DISC1: variants seen among roughly 807,000 people sequenced by gnomAD.
DISC1 encodes the protein disrupted in schizophrenia 1 protein.
In DISC1, 57 loss-of-function variants were observed where a neutral mutation model predicts 84.5. The ratio of observed to expected loss-of-function variants is 0.67; its 90% confidence interval spans 0.55 to 0.84. DISC1 has a LOEUF of 0.84. Ranked by LOEUF, DISC1 falls within the 40% of genes least tolerant of loss-of-function variation. DISC1 has a pLI of 0.00. For synonymous variants in DISC1, 411 were observed against 415.2 expected (o/e 0.99, Z 0.12); for missense variants, 1,000 against 1,057.8 (o/e 0.95, Z 0.76).
intron 9 of DISC1, among the ~76,000 whole-genome samples, chr1:231,850,211 T>TG (rs1337035075): frequency 1.3e-5 from 2 of 152,202 alleles, no homozygotes; most frequent in Non-Finnish European, 2.9e-5. Flanking sequence ...CCCTGGATGA[T>TG]GGGGGTGCCT....
At chr1:232,036,595 C>T in intron 12 of DISC1, 97 bp from the exon 13 acceptor site, 1 of 1,196,694 alleles carries the variant, frequency 8.4e-7, no homozygotes, top group Non-Finnish European at 1.1e-6. Flanking sequence ...GGTGTCAGTA[C>T]CCATCTGCTT....
intron 6 of DISC1, among the ~76,000 whole-genome samples, chr1:231,783,592 A>G (rs1234217022): frequency 2.0e-5 from 3 of 152,232 alleles, no homozygotes; most frequent in Non-Finnish European, 4.4e-5. Context: ...CCAAATACCA[A>G]GTTCATCAGT....
intron 1 of DISC1, among the ~76,000 whole-genome samples, chr1:231,649,745 G>A (rs1023589353): frequency 2.0e-5 from 3 of 152,144 alleles, no homozygotes; most frequent in Non-Finnish European, 4.4e-5. Flanking sequence ...GTGCTCCTGT[G>A]TTGGGTGCAT....
intron 1 of DISC1, among the ~76,000 whole-genome samples, chr1:231,691,171 C>G (rs1214974978): frequency 1.3e-5 from 2 of 152,114 alleles, no homozygotes; most frequent in Admixed American, 1.3e-4. Flanking sequence ...TGGCTCACAA[C>G]TGTAATGCCA....
intron 9 of DISC1, among the ~76,000 whole-genome samples, chr1:231,903,286 G>T (rs897387060): frequency 6.6e-6 from 1 of 152,064 alleles, no homozygotes; most frequent in African/African-American, 2.4e-5. Context: ...AATCCAGTAT[G>T]ACCTCCTCTT....
At chr1:231,743,821 C>T (rs10495308) in intron 3 of DISC1, among the ~76,000 whole-genome samples, 33,609 of 152,014 alleles carry the variant, frequency 0.22, 3,938 homozygotes, top group East Asian at 0.44. Flanking sequence ...GCTTAGTTTC[C>T]GGCTATAGGT....
chr1:231,835,844 C>T (rs12745010), intron 9 of DISC1, among the ~76,000 whole-genome samples: 47,775 of 151,806 alleles, frequency 0.31, 7,584 homozygotes, highest in East Asian at 0.39. Context: ...GTTGAGATAA[C>T]GGCGTAGAAT....
chr1:231,756,176 T>C (rs746203930), intron 4 of DISC1, among the ~76,000 whole-genome samples: 3 of 152,216 alleles, frequency 2.0e-5, no homozygotes, highest in African/African-American at 4.8e-5. Context: ...TCATGCCCCA[T>C]TGTTGTTACC....
At chr1:231,967,205 A>C (rs188132702) in intron 10 of DISC1, among the ~76,000 whole-genome samples, 51 of 152,338 alleles carry the variant, frequency 3.3e-4, no homozygotes, top group Non-Finnish European at 3.8e-4. Flanking sequence ...TGAAAGACCA[A>C]GGTCTGTTCC....
chr1:231,747,229 C>A (rs1243164055), intron 3 of DISC1, among the ~76,000 whole-genome samples: 2 of 152,120 alleles, frequency 1.3e-5, no homozygotes, highest in African/African-American at 2.4e-5. Flanking sequence ...TTGGGCCTGG[C>A]CTTGTTGATT....
In DISC1 at chr1:231,696,666, G is replaced by A. The variant is rs568757177; in HGVS notation, c.1047+1861G>A. Among the ~76,000 whole-genome samples, 12 of 152,268 alleles carry A rather than the reference G, an allele frequency of 7.9e-5. No individual in the cohort carries two copies. In the South Asian group the frequency reaches 1.0e-3, roughly 13 times the overall value. On this transcript the variant is annotated intron_variant, in intron 2 of 12. Transcript: ENST00000439617. The stretch of plus-strand genomic sequence containing the variant: ...TGTGAGATTATCGTACTGTGTTTTT[G>A]TTGTACCCTTTCTATGTTCAGATAT...
intron 9 of DISC1, among the ~76,000 whole-genome samples, chr1:231,823,715 G>A (rs1011742176): frequency 6.6e-6 from 1 of 152,116 alleles, no homozygotes; most frequent in Non-Finnish European, 1.5e-5. Flanking sequence ...ATGTCATCGG[G>A]GTTTGGTGTC....
intron 1 of DISC1, among the ~76,000 whole-genome samples, chr1:231,637,898 G>A (rs1198713602): frequency 1.3e-5 from 2 of 152,122 alleles, no homozygotes; most frequent in South Asian, 4.1e-4. Flanking sequence ...TTTATTTTTA[G>A]TTCTTTGAGA....
At chr1:231,992,150 A>G (rs1209411676) in intron 10 of DISC1, among the ~76,000 whole-genome samples, 2 of 152,230 alleles carry the variant, frequency 1.3e-5, no homozygotes, top group Non-Finnish European at 2.9e-5. Context: ...TGAAAAGGAC[A>G]TGTGCATTTT....
chr1:231,897,962 T>A lies in DISC1; in HGVS notation c.1982-60866T>A, dbSNP rs1304078702. Among the ~76,000 whole-genome samples, 1 of 152,188 alleles carries A rather than the reference T, an allele frequency of 6.6e-6. No homozygotes were observed. The highest frequency in any genetic ancestry group is 2.4e-5 in the African/African-American group (1 of 41,440). On this transcript the variant is annotated intron_variant, in intron 9 of 12. Transcript: ENST00000439617. This position sits in a 1 kb window ranked among gnomAD's most constrained non-coding sequence, Gnocchi z 4.5. Reference sequence around the variant, plus strand: ...TATACGAGCAAGTATTTATTGAATCTCATTTTAAGGACATTTGCATTTCAT... The same window carrying A: ...TATACGAGCAAGTATTTATTGAATCACATTTTAAGGACATTTGCATTTCAT...
At chr1:231,843,235 T>G (rs901299602) in intron 9 of DISC1, among the ~76,000 whole-genome samples, 6 of 152,064 alleles carry the variant, frequency 3.9e-5, no homozygotes, top group Middle Eastern at 3.4e-3. Context: ...AGAACAAGCA[T>G]GAGAGGTGAT....
intron 3 of DISC1, among the ~76,000 whole-genome samples, chr1:231,705,449 A>G (rs2066971627): frequency 6.6e-6 from 1 of 151,610 alleles, no homozygotes; most frequent in Admixed American, 6.6e-5. Flanking sequence ...GTCCTGAAGG[A>G]TGGGTTTGAT....
chr1:231,665,243 A>C (rs1368543600), intron 1 of DISC1, among the ~76,000 whole-genome samples: 1 of 152,248 alleles, frequency 6.6e-6, no homozygotes, highest in Non-Finnish European at 1.5e-5. Flanking sequence ...CCGTCTGCAC[A>C]TGAGCAGTTT....
At chr1:231,781,141 C>T (rs2125530602) in intron 6 of DISC1, among the ~76,000 whole-genome samples, 1 of 131,600 alleles carries the variant, frequency 7.6e-6, no homozygotes, top group South Asian at 2.4e-4. Context: ...CACATGTACC[C>T]TAAAACTTAA....
Sources: allele counts gnomAD v4.1 joint callset (sites outside exome capture counted in the v4.1 genomes callset), GRCh38; gene constraint gnomAD v4.1.1; non-coding constraint Gnocchi (gnomAD v3.1); transcripts MANE v1.5; gene names NCBI Gene and HGNC (gene_info 2026-07-23, HGNC 2026-07-21).